Variants in IPO9 observed in about 807,000 individuals in gnomAD.
IPO9 encodes importin-9.
A neutral mutation model predicts 128.6 loss-of-function variants in IPO9; 28 were observed. The ratio of observed to expected loss-of-function variants is 0.22; its 90% CI spans 0.16 to 0.30. The LOEUF (loss-of-function observed/expected upper bound fraction) is 0.30, where lower values mean the gene tolerates loss of function less well. IPO9 is among the 10% of genes least tolerant of loss of function. The probability of loss-of-function intolerance (pLI) is 1.00; values close to 1 mark genes in which losing one functional copy is unlikely to be tolerated. For synonymous variants in IPO9, 455 were observed against 475.8 expected, an observed-to-expected ratio of 0.96 and a Z score of 0.57; for missense variants, 935 against 1,293.9, an observed-to-expected ratio of 0.72 and a Z score of 4.26.
chr1:201,847,665 C>T, intron 3 of IPO9, 27 bp downstream of exon 3: 1 of 1,500,446 alleles, frequency 6.7e-7, no homozygotes, highest in South Asian at 1.1e-5. Context: ...ATTAGTCTAC[C>T]TGAGGAGATT....
intron 1 of IPO9, among the ~76,000 whole-genome samples, chr1:201,835,292 C>T (rs1231824297): frequency 6.6e-6 from 1 of 152,216 alleles, no homozygotes; most frequent in Non-Finnish European, 1.5e-5. Flanking sequence ...CCTTTATCCT[C>T]CATGCTCTCC....
Position 201,879,217 on chromosome 1 carries a change from C to T in IPO9, c.*3163C>T, listed in dbSNP as rs946176333. On this transcript the variant is annotated 3_prime_UTR_variant, in exon 24 of 24. Transcript: ENST00000361565. Reference sequence around the variant, plus strand: ...CCCAAAAGCACCTAAATAAGAGTGACGAGAGTTTAACAGACATTCATTATG... The same window carrying T: ...CCCAAAAGCACCTAAATAAGAGTGATGAGAGTTTAACAGACATTCATTATG... 2 of 152,168 alleles carry T rather than the reference C, an allele frequency of 1.3e-5. No individual in the cohort carries two copies. The highest frequency in any genetic ancestry group is 3.8e-4 in the East Asian group (2 of 5,198). 9.4% of individuals were successfully genotyped at this position (152,168 alleles called of 1,614,324 possible).
At chr1:201,841,483 G>A (rs1030378381) in intron 1 of IPO9, among the ~76,000 whole-genome samples, 1 of 152,154 alleles carries the variant, frequency 6.6e-6, no homozygotes, top group East Asian at 1.9e-4. Context: ...TGGATGGATG[G>A]CTATATGGTT....
chr1:201,875,274 A>G (rs759211128), intron 23 of IPO9, 46 bp downstream of exon 23: 6 of 1,524,388 alleles, frequency 3.9e-6, no homozygotes, highest in Non-Finnish European at 5.5e-6. Context: ...GTCCCAGGCC[A>G]TGGAAACAGG....
Position 201,855,928 on chromosome 1 carries a change from G to A in IPO9, c.1116G>A (p.Glu372=), listed in dbSNP as rs748120546. 2.5e-6 allele frequency: 4 copies of A among 1,579,616 alleles called. No individual in the cohort carries two copies. The highest frequency in any genetic ancestry group is 3.4e-6 in the Non-Finnish European group (4 of 1,169,558). Residue 372 remains glutamate (E), a synonymous_variant, in exon 10 of 24, where the codon GAG becomes GAA. Coordinates refer to ENST00000361565, the MANE Select transcript of IPO9 (RefSeq NM_018085.5). The part of the protein sequence containing the change: ...YYIILYMQIT[E]EQIKVWTANP... ...TTATCCTGTACATGCAAATCACTGAGGAGCAGGTAAATAATATTTGAGAGA... is the reference window on the plus strand; with the variant it reads ...TTATCCTGTACATGCAAATCACTGAAGAGCAGGTAAATAATATTTGAGAGA...
rs200050020 is a variant in IPO9 at position 201,853,108 on chromosome 1, C to T, written c.690+11C>T. Reference sequence around the variant, plus strand: ...GAGGAGCTGGAAAAGGTAAGCAGGTCTTTGGATCAATAACAGACTTCATGC... The same window carrying T: ...GAGGAGCTGGAAAAGGTAAGCAGGTTTTTGGATCAATAACAGACTTCATGC... On this transcript the variant is annotated intron_variant, in intron 6 of 23. Transcript: ENST00000361565. The T allele has an allele frequency of 8.7e-4, 1,393 of 1,609,792 alleles. No homozygotes were observed. Among genetic ancestry groups the T allele is most frequent in the Non-Finnish European group, 1.2e-3 (1,357 of 1,176,070 alleles).
Position 201,870,516 on chromosome 1 carries a change from C to G in IPO9, c.2134-67C>G. ...AGGCCTCTGGGAACATTTGTTTATACAGACTGAGGGCCTTCTGGCATCTGT... is the reference window on the plus strand; with the variant it reads ...AGGCCTCTGGGAACATTTGTTTATAGAGACTGAGGGCCTTCTGGCATCTGT... On this transcript the variant is annotated intron_variant, in intron 17 of 23. Coordinates refer to ENST00000361565, the MANE Select transcript of IPO9 (RefSeq NM_018085.5). The surrounding 1 kb of genome is among the most constrained non-coding windows in gnomAD (Gnocchi z 4.9). 6.5e-7 allele frequency: 1 copy of G among 1,540,328 alleles called. No individual in the cohort carries two copies. The highest frequency in any genetic ancestry group is 8.8e-7 in the Non-Finnish European group (1 of 1,138,810).
At chr1:201,868,898 T>C in intron 16 of IPO9, 102 bp downstream of exon 16, 1 of 1,391,788 alleles carries the variant, frequency 7.2e-7, no homozygotes, top group Non-Finnish European at 9.4e-7. Context: ...TAGAGATTCA[T>C]GGGGTGATTT....
At chr1:201,866,687 G>T (rs1368725528) in intron 14 of IPO9, 46 bp from the exon 15 acceptor site, 1 of 1,422,584 alleles carries the variant, frequency 7.0e-7, no homozygotes, top group Non-Finnish European at 9.9e-7. Context: ...GGAAAACCAG[G>T]AATTGAATTT....
intron 1 of IPO9, among the ~76,000 whole-genome samples, chr1:201,834,208 T>TTA: frequency 2.7e-5 from 2 of 73,554 alleles, no homozygotes; most frequent in Middle Eastern, 0.013. Flanking sequence ...TTTTCTTTTC[T>TTA]TTTTTTTTTT....
In IPO9 at chr1:201,853,016, T is replaced by C. The variant is rs1254020194; in HGVS notation, c.609T>C (p.Tyr203=). ...MYKIFTMAEV[Y]GIRTRSRAVE... ...TGCTGTAACCTTTCTTCCAGGTGTA[T>C]GGTATTCGAACCCGTTCCCGAGCCG... is the stretch of plus-strand genomic sequence containing the variant. Residue 203 remains tyrosine (Y), a synonymous_variant, in exon 6 of 24, where the codon TAT becomes TAC. Coordinates refer to ENST00000361565, the MANE Select transcript of IPO9 (RefSeq NM_018085.5). 1 of 1,614,052 alleles carries C rather than the reference T, an allele frequency of 6.2e-7. No individual in the cohort carries two copies. Among genetic ancestry groups the C allele is most frequent in the Admixed American group, 1.7e-5 (1 of 60,018 alleles).
chr1:201,866,652 A>G, intron 14 of IPO9, 81 bp from the exon 15 acceptor site: 1 of 1,052,082 alleles, frequency 9.5e-7, no homozygotes, highest in Non-Finnish European at 1.5e-6. Flanking sequence ...ACACATACAA[A>G]TGCTATAATA....
At chr1:201,872,731 C>T in intron 19 of IPO9, 97 bp from the exon 20 acceptor site, 1 of 1,361,978 alleles carries the variant, frequency 7.3e-7, no homozygotes, top group Non-Finnish European at 9.9e-7. Context: ...GGAATTTTCA[C>T]TATCAAATAG....
At chr1:201,861,287 CACTT>C (rs1680441377) in intron 13 of IPO9, among the ~76,000 whole-genome samples, 2 of 152,202 alleles carry the variant, frequency 1.3e-5, no homozygotes, top group Admixed American at 6.5e-5. Flanking sequence ...ATCAGTTTCT[CACTT>C]ACAGTGGTTG....
At position 201,863,369 on chromosome 1, in the gene IPO9, G is replaced by A. The variant is rs193220138; in HGVS notation, c.1469-79G>A. On this transcript the variant is annotated intron_variant, in intron 13 of 23. Coordinates refer to ENST00000361565, the MANE Select transcript of IPO9 (RefSeq NM_018085.5). ...TCCATCTCAAAAAAAAAAAATTGAG[G>A]AATGAATGTGGGAAAGAGAAAGAAC... 1,142 of 1,410,430 alleles carry A rather than the reference G, an allele frequency of 8.1e-4. 14 individuals carry two copies. In the African/African-American group the frequency reaches 0.015, roughly 18 times the overall value. The allele number at this position is 1,410,430 out of a possible 1,614,324, so 87.4% of individuals were successfully genotyped here. A position where few individuals can be genotyped will look rare whatever the true frequency, so the allele number is the denominator to read the frequency against.
In IPO9 at chr1:201,868,806, CGTGTGTGTGT is replaced by C. The variant is rs34353605; in HGVS notation, c.2004+24_2004+33del. 21 of 1,347,954 alleles carry C rather than the reference CGTGTGTGTGT, an allele frequency of 1.6e-5. No individual in the cohort carries two copies. Among genetic ancestry groups the C allele is most frequent in the Non-Finnish European group, 1.6e-5 (16 of 982,696 alleles). 83.5% of individuals were successfully genotyped at this position (1,347,954 alleles called of 1,614,324 possible). ...TGCAGGGCTTTGTGCGGTAAGTGGCCGTGTGTGTGTGTGTGTGTGTGTGAGAGAGATCTAC... is the reference window on the plus strand; with the variant it reads ...TGCAGGGCTTTGTGCGGTAAGTGGCCGTGTGTGTGTGTGAGAGAGATCTAC... On this transcript the variant is annotated intron_variant, in intron 16 of 23. Transcript: ENST00000361565.
At chr1:201,873,470 A>C (rs932293316) in intron 20 of IPO9, among the ~76,000 whole-genome samples, 2 of 137,680 alleles carry the variant, frequency 1.5e-5, no homozygotes, top group African/African-American at 5.4e-5. Context: ...AAAAAAATGC[A>C]GGCGTGGTGG....
At position 201,872,127 on chromosome 1, in the gene IPO9, C is replaced by T. The variant is rs186935541; in HGVS notation, c.2577-701C>T. ...GTGGGTGCCTGTAATCCCAGCTACT[C>T]GGGAGGCTAAGGCAGGAGAATCGCT... On this transcript the variant is annotated intron_variant, in intron 19 of 23. Coordinates refer to ENST00000361565, the MANE Select transcript of IPO9 (RefSeq NM_018085.5). 4.2e-4 allele frequency among the ~76,000 whole-genome samples: 64 copies of T among 152,138 alleles called. No individual in the cohort carries two copies. The East Asian group carries it at 7.7e-3, about 18-fold the overall frequency.
chr1:201,851,153 C>G (rs912221795), intron 4 of IPO9, among the ~76,000 whole-genome samples: 1 of 150,396 alleles, frequency 6.6e-6, no homozygotes, highest in East Asian at 2.0e-4. Flanking sequence ...GTAGCTGGGA[C>G]TGCAGACACA....
Sources: allele counts gnomAD v4.1 joint callset (sites outside exome capture counted in the v4.1 genomes callset), GRCh38; gene constraint gnomAD v4.1.1; non-coding constraint Gnocchi (gnomAD v3.1); transcripts MANE v1.5; gene names NCBI Gene and HGNC (gene_info 2026-07-23, HGNC 2026-07-21).